Variants in CCDC88A observed in about 807,000 individuals in gnomAD.
CCDC88A encodes girdin.
A neutral mutation model predicts 234.3 loss-of-function variants in CCDC88A; 54 were observed. That is an observed-to-expected ratio of 0.23 (90% CI 0.19 to 0.29). CCDC88A has a LOEUF of 0.29. CCDC88A is among the 10% of genes least tolerant of loss of function. The pLI is 1.00. For synonymous variants in CCDC88A, 753 were observed against 737.8 expected, an observed-to-expected ratio of 1.02 and a Z score of -0.33; for missense variants, 1,832 against 2,123.4, an observed-to-expected ratio of 0.86 and a Z score of 2.70.
In CCDC88A at chr2:55,332,655, G is replaced by A. The variant is rs776724386; in HGVS notation, c.2766C>T (p.Asn922=). 6.9e-6 allele frequency: 11 copies of A among 1,601,356 alleles called. No homozygotes were observed. In the South Asian group the frequency reaches 1.1e-4, roughly 16 times the overall value. The change falls in exon 16 of 33, where the codon AAC becomes AAT. Residue 922 remains asparagine (N), a synonymous_variant. Transcript: ENST00000436346. The surrounding 1 kb of genome is among the most constrained non-coding windows in gnomAD (Gnocchi z 4.5). The part of the protein sequence containing the change: ...VSEKLKTQQM[N]NDLEKLTHEL... Reference sequence around the variant, plus strand: ...CATGAGTTAATTTTTCGAGATCATTGTTCATCTGTTGGGTCTTCAACTTTT... The same window carrying A: ...CATGAGTTAATTTTTCGAGATCATTATTCATCTGTTGGGTCTTCAACTTTT...
intron 2 of CCDC88A, among the ~76,000 whole-genome samples, chr2:55,412,218 C>T (rs983219909): frequency 2.0e-5 from 3 of 152,066 alleles, no homozygotes; most frequent in African/African-American, 7.2e-5. Flanking sequence ...CATCTAGCCC[C>T]TAAACAGTAA....
chr2:55,349,452 T>C, intron 9 of CCDC88A, 66 bp downstream of exon 9: 1 of 1,156,218 alleles, frequency 8.6e-7, no homozygotes, highest in South Asian at 1.3e-5. Context: ...GGTTATAAAT[T>C]ACAAGGAAGA....
At chr2:55,303,595 G>C (rs1255798474) in intron 25 of CCDC88A, among the ~76,000 whole-genome samples, 2 of 152,022 alleles carry the variant, frequency 1.3e-5, no homozygotes, top group Non-Finnish European at 2.9e-5. Flanking sequence ...TGGTCAGGCT[G>C]GTCTCGCACT....
chr2:55,313,625 A>T (rs982295392), intron 22 of CCDC88A: 1 of 151,044 alleles, frequency 6.6e-6, no homozygotes, highest in African/African-American at 2.5e-5. Flanking sequence ...TGTAGAGTAG[A>T]TTTGTGGGCC....
At chr2:55,378,202 C>T (rs1674020176) in intron 3 of CCDC88A, among the ~76,000 whole-genome samples, 1 of 152,224 alleles carries the variant, frequency 6.6e-6, no homozygotes. Flanking sequence ...CCTGCCTACT[C>T]TGTTTCCCCA....
At chr2:55,408,989 T>G (rs1425434311) in intron 2 of CCDC88A, among the ~76,000 whole-genome samples, 2 of 151,332 alleles carry the variant, frequency 1.3e-5, no homozygotes, top group African/African-American at 4.9e-5. Context: ...TATTCAGAAT[T>G]TCCAATTCTG....
At chr2:55,348,497 A>C (rs1324234100) in intron 9 of CCDC88A, 2 of 146,726 alleles carry the variant, frequency 1.4e-5, no homozygotes, top group Non-Finnish European at 3.0e-5. Context: ...CTGGTTTCGA[A>C]CTCCTGACCT....
At chr2:55,401,261 G>A (rs1313206526) in intron 2 of CCDC88A, among the ~76,000 whole-genome samples, 3 of 150,356 alleles carry the variant, frequency 2.0e-5, no homozygotes, top group Non-Finnish European at 4.4e-5. Context: ...AAGACTCCTT[G>A]TCTACAAAAA....
intron 8 of CCDC88A, among the ~76,000 whole-genome samples, chr2:55,351,987 T>C (rs1035877793): frequency 6.6e-6 from 1 of 152,212 alleles, no homozygotes; most frequent in Non-Finnish European, 1.5e-5. Context: ...ACGTATTGTA[T>C]GATTCCATTT....
At chr2:55,326,918 A>G (rs1684338472) in intron 17 of CCDC88A, among the ~76,000 whole-genome samples, 1 of 152,200 alleles carries the variant, frequency 6.6e-6, no homozygotes, top group Non-Finnish European at 1.5e-5. Context: ...TATGCAACTC[A>G]CACCCAAACC....
In CCDC88A at chr2:55,343,702, A is replaced by G; in HGVS notation, c.1279T>C (p.Leu427=). ...MAQKQSMDES[L]HLGWELEQIS... ...TGTTCCAGTTCCCAGCCAAGATGTA[A>G]TGATTCATCCATACTTTGTTTCTGT... Residue 427 remains leucine, a synonymous_variant, in exon 12 of 33, where the codon TTA becomes CTA. Transcript: ENST00000436346. The G allele has an allele frequency of 6.2e-7, 1 of 1,612,124 alleles. No homozygotes were observed. Among genetic ancestry groups the G allele is most frequent in the Non-Finnish European group, 8.5e-7 (1 of 1,178,832 alleles).
At chr2:55,312,369 C>T in intron 23 of CCDC88A, 65 bp downstream of exon 23, 1 of 1,391,944 alleles carries the variant, frequency 7.2e-7, no homozygotes, top group East Asian at 2.3e-5. Flanking sequence ...TTCTCTGCCA[C>T]TGGGTATGGC....
In CCDC88A at chr2:55,296,522, T is replaced by A. The variant is rs969973938; in HGVS notation, c.4827A>T (p.Ala1609=). ...GCCTGCTTTGGTTATTAACTGCACC[T>A]GCTTTTGGAGTAAATGGGGTGTTGA... ...NNNASLHEVK[A]GAVNNQSRPQ... Residue 1609 remains alanine (A), a splice_region_variant and synonymous_variant, in exon 30 of 33, where the codon GCA becomes GCT. Transcript: ENST00000436346. The A allele has an allele frequency of 1.2e-6, 2 of 1,613,228 alleles. No homozygotes were observed. Among genetic ancestry groups the A allele is most frequent in the Non-Finnish European group, 1.7e-6 (2 of 1,179,642 alleles).
At chr2:55,404,240 T>A (rs777773579) in intron 2 of CCDC88A, 1 of 152,190 alleles carries the variant, frequency 6.6e-6, no homozygotes, top group Non-Finnish European at 1.5e-5. Flanking sequence ...GAATTAAATT[T>A]AGTCATAGAA....
intron 31 of CCDC88A, chr2:55,294,145 G>T: frequency 1.7e-6 from 1 of 594,048 alleles, no homozygotes; most frequent in Non-Finnish European, 2.1e-6. Flanking sequence ...TTTTTGATTA[G>T]AAGTAAAAAT....
At chr2:55,418,154 G>C (rs929717134) in intron 2 of CCDC88A, 1 of 152,050 alleles carries the variant, frequency 6.6e-6, no homozygotes, top group Non-Finnish European at 1.5e-5. Flanking sequence ...ACAAAGATTT[G>C]CCCAATAAGT....
intron 2 of CCDC88A, among the ~76,000 whole-genome samples, chr2:55,415,541 G>A (rs1383473648): frequency 6.6e-6 from 1 of 152,208 alleles, no homozygotes. Flanking sequence ...AGAACAGGAA[G>A]AGGGGAATCC....
intron 2 of CCDC88A, among the ~76,000 whole-genome samples, chr2:55,414,823 T>C (rs569356914): frequency 1.2e-3 from 189 of 152,098 alleles, no homozygotes; most frequent in Middle Eastern, 0.01. Context: ...CCCAGCACTT[T>C]GGGAGGCTGA....
chr2:55,398,990 C>G (rs1678109141), intron 2 of CCDC88A, among the ~76,000 whole-genome samples: 1 of 151,924 alleles, frequency 6.6e-6, no homozygotes, highest in Non-Finnish European at 1.5e-5. Context: ...AAAAATAATA[C>G]CTGGCTTTGC....
Sources: allele counts gnomAD v4.1 joint callset (sites outside exome capture counted in the v4.1 genomes callset), GRCh38; gene constraint gnomAD v4.1.1; non-coding constraint Gnocchi (gnomAD v3.1); transcripts MANE v1.5; gene names NCBI Gene and HGNC (gene_info 2026-07-23, HGNC 2026-07-21).